The following ERC2 variants were observed in gnomAD, a reference collection of about 807,000 sequenced individuals.
ERC2 encodes the protein ERC protein 2.
ERC2 carries 42 observed loss-of-function variants against 114.8 expected under a neutral mutation model. The observed-to-expected ratio is 0.37, with a 90% CI of 0.29 to 0.47. The LOEUF (loss-of-function observed/expected upper bound fraction) is 0.47, where lower values mean the gene tolerates loss of function less well. Ranked by LOEUF, ERC2 falls within the 20% of genes least tolerant of loss-of-function variation. The pLI is 0.99. For missense variants in ERC2, 939 were observed against 1,150.7 expected, an observed-to-expected ratio of 0.82 and a Z score of 2.66; for synonymous variants, 454 against 425.5, an observed-to-expected ratio of 1.07 and a Z score of -0.82.
rs945761737 is a variant in ERC2 at position 55,880,965 on chromosome 3, T to C, written c.2564+7424A>G. 2.0e-5 allele frequency among the ~76,000 whole-genome samples: 3 copies of C among 152,142 alleles called. No homozygotes were observed. In the South Asian group the frequency reaches 6.2e-4, roughly 31 times the overall value. The stretch of plus-strand genomic sequence containing the variant: ...AATTTATAATCTCAGTCAATCCCCA[T>C]AAGATCTCTGTGGGCTAGCACAACC... On this transcript the variant is annotated intron_variant, in intron 14 of 17. Coordinates refer to ENST00000288221, the MANE Select transcript of ERC2 (RefSeq NM_015576.3).
chr3:56,266,255 C>CAT (rs2053298280), intron 3 of ERC2, among the ~76,000 whole-genome samples: 2 of 149,538 alleles, frequency 1.3e-5, no homozygotes, highest in Non-Finnish European at 3.0e-5. Context: ...CTCAGCCTAC[C>CAT]GAGTAGCTGG....
At chr3:56,061,043 C>CT (rs1211435440) in intron 7 of ERC2, among the ~76,000 whole-genome samples, 1 of 152,188 alleles carries the variant, frequency 6.6e-6, no homozygotes, top group African/African-American at 2.4e-5. Context: ...CAGCCATGGT[C>CT]TTTATCTTGA....
At chr3:55,711,018 A>C (rs1416187530) in intron 15 of ERC2, among the ~76,000 whole-genome samples, 1 of 152,206 alleles carries the variant, frequency 6.6e-6, no homozygotes, top group Non-Finnish European at 1.5e-5. Context: ...ACTGCAGATG[A>C]GTCCACCATG....
rs971427049 is a variant in ERC2 at position 55,804,053 on chromosome 3, G to A, written c.2565-69135C>T. 5.3e-5 allele frequency among the ~76,000 whole-genome samples: 8 copies of A among 152,086 alleles called. No homozygotes were observed. The South Asian group carries it at 1.0e-3, about 20-fold the overall frequency. ...GCTATTTTCTCTGTATTTAATTCTCGTATCTTGCAGTGGTTCTCAAAATTT... is the reference window on the plus strand; with the variant it reads ...GCTATTTTCTCTGTATTTAATTCTCATATCTTGCAGTGGTTCTCAAAATTT... On this transcript the variant is annotated intron_variant, in intron 14 of 17. Coordinates refer to ENST00000288221, the MANE Select transcript of ERC2 (RefSeq NM_015576.3).
intron 3 of ERC2, among the ~76,000 whole-genome samples, chr3:56,220,753 G>A (rs1450679999): frequency 6.6e-6 from 1 of 152,220 alleles, no homozygotes; most frequent in African/African-American, 2.4e-5. Flanking sequence ...CAAAGCCAAG[G>A]TCACGTGCTC....
At chr3:55,608,236 A>C (rs1324176276) in intron 17 of ERC2, among the ~76,000 whole-genome samples, 1 of 152,174 alleles carries the variant, frequency 6.6e-6, no homozygotes, top group African/African-American at 2.4e-5. Context: ...AAGAAACAAA[A>C]CCCTCACTTC....
At chr3:56,382,119 AC>A (rs146532554) in intron 2 of ERC2, among the ~76,000 whole-genome samples, 2,806 of 151,982 alleles carry the variant, frequency 0.018, 90 homozygotes, top group African/African-American at 0.065. Flanking sequence ...TACCTGCAGC[AC>A]CCCATCAACT....
chr3:56,319,630 T>C (rs2057033678), intron 2 of ERC2, among the ~76,000 whole-genome samples: 1 of 152,092 alleles, frequency 6.6e-6, no homozygotes, highest in Non-Finnish European at 1.5e-5. Flanking sequence ...TCATGTTAAA[T>C]GTTCTTATCA....
chr3:55,810,972 A>C (rs558494496), intron 14 of ERC2, among the ~76,000 whole-genome samples: 5 of 152,158 alleles, frequency 3.3e-5, no homozygotes, highest in African/African-American at 1.2e-4. Flanking sequence ...AAAGAATATA[A>C]ATATTTTAAC....
intron 17 of ERC2, among the ~76,000 whole-genome samples, chr3:55,539,150 G>C (rs565619327): frequency 1.3e-5 from 2 of 152,278 alleles, no homozygotes; most frequent in African/African-American, 4.8e-5. Context: ...TTAGAAAACA[G>C]AGCTACTAGG....
intron 13 of ERC2, among the ~76,000 whole-genome samples, chr3:55,900,686 A>G (rs2064086073): frequency 6.6e-6 from 1 of 152,122 alleles, no homozygotes; most frequent in South Asian, 2.1e-4. Flanking sequence ...CCTATATGTC[A>G]CCTTGCTCTT....
At chr3:55,960,604 G>A (rs1576367570) in intron 12 of ERC2, among the ~76,000 whole-genome samples, 1 of 152,204 alleles carries the variant, frequency 6.6e-6, no homozygotes, top group East Asian at 1.9e-4. Flanking sequence ...AATTCCTTAT[G>A]GACTATTCCA....
At chr3:56,265,492 G>A (rs1298947726) in intron 3 of ERC2, among the ~76,000 whole-genome samples, 2 of 152,110 alleles carry the variant, frequency 1.3e-5, no homozygotes, top group Admixed American at 1.3e-4. Flanking sequence ...ACCTGAAACT[G>A]TATAACACCT....
rs539162911 is a variant in ERC2, at chr3:55,858,081, A to T, written c.2564+30308T>A. 2.0e-5 allele frequency among the ~76,000 whole-genome samples: 3 copies of T among 152,350 alleles called. No individual in the cohort carries two copies. The South Asian group carries it at 6.2e-4, about 32-fold the overall frequency. ...CTCCTGAAACTTGTGACATATAAAT[A>T]TATGTATATACATATACATGCATAC... is the stretch of plus-strand genomic sequence containing the variant. On this transcript the variant is annotated intron_variant, in intron 14 of 17. Coordinates refer to ENST00000288221, the MANE Select transcript of ERC2 (RefSeq NM_015576.3).
chr3:56,401,043 C>T (rs1045939254), intron 2 of ERC2, among the ~76,000 whole-genome samples: 12 of 152,134 alleles, frequency 7.9e-5, no homozygotes, highest in African/African-American at 2.7e-4. Flanking sequence ...CAGGAAAGTC[C>T]CAAGACTGTA....
chr3:55,626,068 G>A (rs1177966312), intron 17 of ERC2, among the ~76,000 whole-genome samples: 1 of 152,150 alleles, frequency 6.6e-6, no homozygotes, highest in Non-Finnish European at 1.5e-5. Flanking sequence ...GCTTCCCAGA[G>A]TCCATCTTGC....
intron 17 of ERC2, among the ~76,000 whole-genome samples, chr3:55,627,427 T>C (rs1207930751): frequency 2.0e-5 from 3 of 151,930 alleles, no homozygotes; most frequent in African/African-American, 7.3e-5. Context: ...GATCACGCCA[T>C]TGTACCCTAG....
chr3:56,229,073 T>G (rs1405747724), intron 3 of ERC2, among the ~76,000 whole-genome samples: 3 of 152,198 alleles, frequency 2.0e-5, no homozygotes, highest in Admixed American at 2.0e-4. Flanking sequence ...TGTTATAATA[T>G]TTAAAATATA....
At chr3:55,625,585 A>G (rs1366006956) in intron 17 of ERC2, among the ~76,000 whole-genome samples, 1 of 151,998 alleles carries the variant, frequency 6.6e-6, no homozygotes, top group Non-Finnish European at 1.5e-5. Flanking sequence ...CCCCGTCTCT[A>G]CTAAAAATAC....
Sources: gnomAD v4.1 joint callset for allele counts (sites outside exome capture counted in the v4.1 genomes callset) on GRCh38, gnomAD v4.1.1 for gene constraint, MANE v1.5 for transcripts, NCBI Gene and HGNC (gene_info 2026-07-23, HGNC 2026-07-21) for gene names.